LRFN2: variants seen among roughly 807,000 people sequenced by gnomAD.
The protein encoded by LRFN2 is leucine rich repeat and fibronectin type III domain containing 2.
LRFN2 carries 18 observed loss-of-function variants against 37.3 expected under a neutral mutation model. The observed-to-expected ratio is 0.48, with a 90% confidence interval of 0.33 to 0.72. The LOEUF (loss-of-function observed/expected upper bound fraction) is 0.72, where lower values mean the gene tolerates loss of function less well. Among genes scored for constraint, LRFN2 ranks in the 30% least tolerant of loss-of-function variants. LRFN2 has a pLI of 0.02. For synonymous variants in LRFN2, 556 were observed against 466.6 expected, an observed-to-expected ratio of 1.19 and a Z score of -2.47; for missense variants, 1,006 against 1,060.7, an observed-to-expected ratio of 0.95 and a Z score of 0.72.
chr6:40,433,167 C>T (rs1763557787), intron 1 of LRFN2, 36 bp from the exon 2 acceptor site: 1 of 1,495,360 alleles, frequency 6.7e-7, no homozygotes, highest in African/African-American at 1.4e-5. Context: ...GGTCAGGAGG[C>T]AAATTCCTAA....
intron 1 of LRFN2, among the ~76,000 whole-genome samples, chr6:40,482,776 G>C (rs1024746717): frequency 6.6e-6 from 1 of 152,148 alleles, no homozygotes; most frequent in Non-Finnish European, 1.5e-5. Flanking sequence ...CTCCTGGCCA[G>C]GCCAGCTTTC....
chr6:40,584,348 CA>C, intron 1 of LRFN2, among the ~76,000 whole-genome samples: 1 of 152,308 alleles, frequency 6.6e-6, no homozygotes, highest in African/African-American at 2.4e-5. Flanking sequence ...CAAAGACTCA[CA>C]TTGTTAACCA....
intron 1 of LRFN2, among the ~76,000 whole-genome samples, chr6:40,497,093 G>A (rs931842953): frequency 6.6e-6 from 1 of 152,168 alleles, no homozygotes; most frequent in African/African-American, 2.4e-5. Flanking sequence ...ATGCAGCTGG[G>A]AGGAGAGAAG....
At chr6:40,459,726 A>G (rs1462292541) in intron 1 of LRFN2, among the ~76,000 whole-genome samples, 3 of 152,232 alleles carry the variant, frequency 2.0e-5, no homozygotes, top group Admixed American at 6.5e-5. Context: ...GCTTGGCACT[A>G]TGTGCCTTCT....
intron 1 of LRFN2, among the ~76,000 whole-genome samples, chr6:40,527,366 G>C (rs1488436867): frequency 2.0e-5 from 3 of 152,188 alleles, no homozygotes; most frequent in Non-Finnish European, 4.4e-5. Context: ...GGGCTTGGTA[G>C]ATTTTATTTT....
chr6:40,560,233 C>T (rs1352664858), intron 1 of LRFN2, among the ~76,000 whole-genome samples: 1 of 152,168 alleles, frequency 6.6e-6, no homozygotes, highest in Non-Finnish European at 1.5e-5. Flanking sequence ...CCACCAACGC[C>T]TGCACCCATC....
chr6:40,401,037 G>C (rs1762728334), intron 2 of LRFN2, among the ~76,000 whole-genome samples: 1 of 146,908 alleles, frequency 6.8e-6, no homozygotes, highest in Non-Finnish European at 1.5e-5. Flanking sequence ...TGAAACTTCT[G>C]AGGTGACTTC....
At chr6:40,490,420 G>C (rs916628457) in intron 1 of LRFN2, among the ~76,000 whole-genome samples, 1 of 152,150 alleles carries the variant, frequency 6.6e-6, no homozygotes, top group African/African-American at 2.4e-5. Context: ...TGAAGCTCAG[G>C]CTCAGGGCTC....
chr6:40,417,581 G>C (rs531012756), intron 2 of LRFN2, among the ~76,000 whole-genome samples: 7 of 152,218 alleles, frequency 4.6e-5, no homozygotes, highest in African/African-American at 1.7e-4. Flanking sequence ...GAGGGGGTGG[G>C]GAATGCTGAC....
At chr6:40,557,808 C>T (rs1191672207) in intron 1 of LRFN2, among the ~76,000 whole-genome samples, 1 of 152,156 alleles carries the variant, frequency 6.6e-6, no homozygotes, top group Non-Finnish European at 1.5e-5. Context: ...AAGATCCTTG[C>T]AAAGTTTAAG....
intron 2 of LRFN2, among the ~76,000 whole-genome samples, chr6:40,415,708 C>A (rs1009197002): frequency 6.6e-6 from 1 of 152,124 alleles, no homozygotes; most frequent in South Asian, 2.1e-4. Flanking sequence ...CTGGGAGATG[C>A]GAGTTGCAGG....
intron 2 of LRFN2, among the ~76,000 whole-genome samples, chr6:40,428,775 T>C (rs933104825): frequency 6.6e-6 from 1 of 152,224 alleles, no homozygotes; most frequent in African/African-American, 2.4e-5. Flanking sequence ...CTGGCAGTAA[T>C]GTTTGTCAGT....
At chr6:40,467,250 C>T (rs1031292438) in intron 1 of LRFN2, among the ~76,000 whole-genome samples, 1 of 151,884 alleles carries the variant, frequency 6.6e-6, no homozygotes, top group African/African-American at 2.4e-5. Flanking sequence ...TTCCCCCTCC[C>T]ATTAGTCCTC....
intron 1 of LRFN2, among the ~76,000 whole-genome samples, chr6:40,582,772 C>G (rs1767427236): frequency 1.4e-5 from 2 of 147,114 alleles, no homozygotes; most frequent in African/African-American, 5.0e-5. Flanking sequence ...CTTACTAAAA[C>G]TTGCTTGGTG....
intron 2 of LRFN2, among the ~76,000 whole-genome samples, chr6:40,429,679 C>T (rs747444554): frequency 6.6e-6 from 1 of 152,116 alleles, no homozygotes; most frequent in Non-Finnish European, 1.5e-5. Flanking sequence ...AGTAATTCAA[C>T]TCCTAGAAAA....
Position 40,466,904 on chromosome 6 carries a change from G to A in LRFN2, c.-18-33773C>T, listed in dbSNP as rs141776435. 2.6e-3 allele frequency among the ~76,000 whole-genome samples: 399 copies of A among 152,142 alleles called. 3 individuals are homozygous for A. The highest frequency in any genetic ancestry group is 8.6e-3 in the African/African-American group (356 of 41,458). ...CATATATATGGGGCCGTAATCCCAT[G>A]TGCCTGGTATTCTTAAAAGAAGTAA... On this transcript the variant is annotated intron_variant, in intron 1 of 2. Coordinates refer to ENST00000338305, the MANE Select transcript of LRFN2 (RefSeq NM_020737.3).
intron 1 of LRFN2, among the ~76,000 whole-genome samples, chr6:40,486,221 G>C (rs1043312470): frequency 6.6e-6 from 1 of 152,114 alleles, no homozygotes; most frequent in Non-Finnish European, 1.5e-5. Context: ...GAGTGGGGCT[G>C]GTATGAACTG....
chr6:40,465,989 G>A (rs1764452908), intron 1 of LRFN2, among the ~76,000 whole-genome samples: 1 of 152,138 alleles, frequency 6.6e-6, no homozygotes, highest in South Asian at 2.1e-4. Flanking sequence ...TCCTCTTAAG[G>A]CCCTACAGTC....
At chr6:40,409,923 T>TCCACCCAGCAGTCAGGAGGAGC (rs1346604260) in intron 2 of LRFN2, among the ~76,000 whole-genome samples, 1 of 152,154 alleles carries the variant, frequency 6.6e-6, no homozygotes, top group African/African-American at 2.4e-5. Context: ...AGTTGCCCTT[T>TCCACCCAGCAGTCAGGAGGAGC]CCACCCAGCA....
Sources: allele counts gnomAD v4.1 joint callset (sites outside exome capture counted in the v4.1 genomes callset), GRCh38; gene constraint gnomAD v4.1.1; transcripts MANE v1.5; gene names NCBI Gene and HGNC (gene_info 2026-07-23, HGNC 2026-07-21).